The following CLASP1 variants were observed in gnomAD, a reference collection of about 807,000 sequenced individuals.
The protein encoded by CLASP1 is cytoplasmic linker associated protein 1.
Under a neutral mutation model 192.3 loss-of-function variants are expected in CLASP1, and 38 were observed. The observed-to-expected ratio is 0.20, with a 90% CI of 0.15 to 0.26. CLASP1 has a LOEUF of 0.26. Among genes scored for constraint, CLASP1 ranks in the 10% least tolerant of loss-of-function variants. The pLI is 1.00. For missense variants in CLASP1, 1,433 were observed against 1,932.5 expected (o/e 0.74, Z 4.85); for synonymous variants, 691 against 712.8 (o/e 0.97, Z 0.49).
intron 9 of CLASP1, among the ~76,000 whole-genome samples, chr2:121,468,366 C>T (rs1414214130): frequency 6.6e-6 from 1 of 152,138 alleles, no homozygotes; most frequent in Non-Finnish European, 1.5e-5. Flanking sequence ...TTGCTTTGGG[C>T]AGTATGGCCA....
chr2:121,531,877 AG>A (rs1306167717), intron 2 of CLASP1, among the ~76,000 whole-genome samples: 3 of 151,948 alleles, frequency 2.0e-5, no homozygotes, highest in Non-Finnish European at 4.4e-5. Context: ...AAAAAAAAAA[AG>A]AAAAAGAAAT....
intron 8 of CLASP1, among the ~76,000 whole-genome samples, chr2:121,481,808 G>A (rs942957434): frequency 1.3e-5 from 2 of 152,178 alleles, no homozygotes; most frequent in African/African-American, 4.8e-5. Flanking sequence ...CTTCTCTCCA[G>A]CATTTCTCTA....
exon 40 of CLASP1, chr2:121,338,644 T>A: frequency 6.6e-6 from 1 of 152,346 alleles, no homozygotes; most frequent in Non-Finnish European, 1.5e-5. Flanking sequence ...GCAGCAGTTT[T>A]CAGATTGAGG....
intron 36 of CLASP1, chr2:121,364,559 A>C (rs1052667914): frequency 6.2e-6 from 1 of 161,344 alleles, no homozygotes; most frequent in Non-Finnish European, 1.4e-5. Flanking sequence ...AGCATGATGA[A>C]GCTTTTTTTA....
chr2:121,600,554 C>T (rs78790361), intron 2 of CLASP1, among the ~76,000 whole-genome samples: 1 of 152,176 alleles, frequency 6.6e-6, no homozygotes, highest in Non-Finnish European at 1.5e-5. Flanking sequence ...GAAAAACTAA[C>T]CAATCTTCAA....
chr2:121,642,379 G>T (rs1157802625), intron 1 of CLASP1, among the ~76,000 whole-genome samples: 2 of 146,538 alleles, frequency 1.4e-5, no homozygotes, highest in Non-Finnish European at 3.0e-5. Context: ...CACCCTGGGT[G>T]ACAGAGCAGG....
intron 2 of CLASP1, among the ~76,000 whole-genome samples, chr2:121,546,871 T>C (rs1469874013): frequency 6.6e-6 from 1 of 152,200 alleles, no homozygotes. Context: ...AGCAGGTCCC[T>C]GATCCCATTC....
At chr2:121,488,681 C>T (rs777766077) in intron 8 of CLASP1, among the ~76,000 whole-genome samples, 13 of 152,328 alleles carry the variant, frequency 8.5e-5, no homozygotes, top group East Asian at 1.9e-4. Flanking sequence ...AAACAAAAAA[C>T]GCAGGAAAGT....
chr2:121,407,735 A>G lies in CLASP1; in HGVS notation c.2425-20T>C. 1 of 1,613,666 alleles carries G rather than the reference A, an allele frequency of 6.2e-7. No homozygotes were observed. The highest frequency in any genetic ancestry group is 1.1e-5 in the South Asian group (1 of 91,042). ...CTTCTTCTGACAGGTCCAATGAGGG[A>G]TGGGAGTGATTGAGGAAGAAATAGA... is the stretch of plus-strand genomic sequence containing the variant. On this transcript the variant is annotated intron_variant, in intron 24 of 39. Coordinates refer to ENST00000263710, the Ensembl canonical transcript of CLASP1.
At chr2:121,606,814 T>C (rs1412389153) in intron 1 of CLASP1, among the ~76,000 whole-genome samples, 1 of 152,104 alleles carries the variant, frequency 6.6e-6, no homozygotes, top group Non-Finnish European at 1.5e-5. Flanking sequence ...TCCCAACACT[T>C]TGGGAGGCCA....
intron 8 of CLASP1, among the ~76,000 whole-genome samples, chr2:121,477,774 T>C (rs2091824300): frequency 6.6e-6 from 1 of 152,194 alleles, no homozygotes; most frequent in African/African-American, 2.4e-5. Flanking sequence ...CTGCAGTCAG[T>C]ATGCTTAAAA....
chr2:121,418,594 T>C, intron 23 of CLASP1, 28 bp downstream of exon 23: 3 of 1,518,316 alleles, frequency 2.0e-6, no homozygotes, highest in South Asian at 1.1e-5. Flanking sequence ...AACTCTTTGC[T>C]CCTCAGCCAG....
intron 17 of CLASP1, 52 bp from the exon 18 acceptor site, chr2:121,448,377 AC>A: frequency 1.5e-6 from 2 of 1,325,312 alleles, no homozygotes; most frequent in Non-Finnish European, 2.2e-6. Context: ...CTGAATTAAT[AC>A]AAATACAAAC....
intron 6 of CLASP1, among the ~76,000 whole-genome samples, chr2:121,516,767 G>A (rs1464001226): frequency 1.3e-5 from 2 of 152,198 alleles, no homozygotes; most frequent in Admixed American, 6.5e-5. Flanking sequence ...GGTGGCTCAC[G>A]CCTATAATCC....
At chr2:121,535,680 G>A (rs1204992369) in intron 2 of CLASP1, among the ~76,000 whole-genome samples, 1 of 150,936 alleles carries the variant, frequency 6.6e-6, no homozygotes, top group Middle Eastern at 3.2e-3. Context: ...ATAGGATCAT[G>A]CTCTGTCACC....
chr2:121,402,330 T>G (rs2076258694), intron 26 of CLASP1, among the ~76,000 whole-genome samples: 1 of 152,238 alleles, frequency 6.6e-6, no homozygotes, highest in Non-Finnish European at 1.5e-5. Context: ...TGATTTTTGC[T>G]AAGGCAAAAT....
In CLASP1 at chr2:121,614,460, C is replaced by T. The variant is rs573474567; in HGVS notation, c.-285-8280G>A. On this transcript the variant is annotated intron_variant, in intron 1 of 39. Transcript: ENST00000263710. ...GTGGTGAGCTGAGATCACACCACTG[C>T]ACTCCAGTTGGGGCGACAGAGTGAG... 9.9e-5 allele frequency among the ~76,000 whole-genome samples: 15 copies of T among 152,230 alleles called. No individual in the cohort carries two copies. The South Asian group carries it at 2.7e-3, about 27-fold the overall frequency.
intron 2 of CLASP1, among the ~76,000 whole-genome samples, chr2:121,588,173 C>CAAA (rs397769809): frequency 5.7e-4 from 35 of 60,892 alleles, no homozygotes; most frequent in Non-Finnish European, 7.9e-4. Flanking sequence ...GACTCCGTCT[C>CAAA]AAAAAAAAAA....
intron 19 of CLASP1, among the ~76,000 whole-genome samples, chr2:121,437,271 A>G (rs1164839329): frequency 1.3e-5 from 2 of 152,198 alleles, no homozygotes; most frequent in African/African-American, 4.8e-5. Context: ...CCACTTTTTG[A>G]TTTTAATAAT....
Sources: gnomAD v4.1 joint callset for allele counts (sites outside exome capture counted in the v4.1 genomes callset) on GRCh38, gnomAD v4.1.1 for gene constraint, MANE v1.5 for transcripts, NCBI Gene and HGNC (gene_info 2026-07-23, HGNC 2026-07-21) for gene names.